RXRA: variants seen among roughly 807,000 people sequenced by gnomAD.
RXRA encodes retinoic acid receptor RXR-alpha.
A neutral mutation model predicts 44.5 loss-of-function variants in RXRA; 5 were observed. That is an observed-to-expected ratio of 0.11 (90% CI 0.06 to 0.24). The LOEUF (loss-of-function observed/expected upper bound fraction) is 0.24, where lower values mean the gene tolerates loss of function less well. RXRA is among the 10% of genes least tolerant of loss of function. The pLI, the probability that RXRA is intolerant of heterozygous loss-of-function variation, is 1.00. For missense variants in RXRA, 412 were observed against 646.5 expected (o/e 0.64, Z 3.93); for synonymous variants, 291 against 271.4 (o/e 1.07, Z -0.71).
intron 1 of RXRA, among the ~76,000 whole-genome samples, chr9:134,353,286 A>G (rs1588259538): frequency 1.3e-5 from 2 of 152,084 alleles, no homozygotes; most frequent in East Asian, 3.9e-4. Context: ...TCTCAGGGGT[A>G]TCCCTGGTGT....
rs1401434912 is a variant in RXRA, at chr9:134,365,180, C to G, written c.29-36452C>G. Among the ~76,000 whole-genome samples the G allele has an allele frequency of 3.9e-5, 6 of 152,238 alleles. No homozygotes were observed. The highest frequency in any genetic ancestry group is 1.4e-4 in the African/African-American group (6 of 41,468). On this transcript the variant is annotated intron_variant, in intron 1 of 9. Transcript: ENST00000481739. This position sits in a 1 kb window ranked among gnomAD's most constrained non-coding sequence, Gnocchi z 4.0. ...TGGAGGGCTGATGGCACGCTGGGCC[C>G]GGGAAAGCCCCTCGTGGGCCATCTC... is the stretch of plus-strand genomic sequence containing the variant.
intron 1 of RXRA, among the ~76,000 whole-genome samples, chr9:134,395,187 C>T (rs116845249): frequency 0.022 from 3,354 of 152,350 alleles, 63 homozygotes; most frequent in Admixed American, 0.046. Flanking sequence ...CCGGTCACTC[C>T]GAACTCCCAC....
At chr9:134,328,181 G>C (rs113787173) in intron 1 of RXRA, among the ~76,000 whole-genome samples, 11,717 of 152,278 alleles carry the variant, frequency 0.077, 528 homozygotes, top group Middle Eastern at 0.12. Context: ...CACACACACA[G>C]AGCTAGGCTC....
chr9:134,392,044 G>A (rs1450287481), intron 1 of RXRA, among the ~76,000 whole-genome samples: 2 of 152,266 alleles, frequency 1.3e-5, no homozygotes, highest in Non-Finnish European at 2.9e-5. Flanking sequence ...GAGTCTGTGT[G>A]TTTGCAGGGG....
intron 1 of RXRA, among the ~76,000 whole-genome samples, chr9:134,337,169 C>T (rs1554747423): frequency 2.6e-5 from 4 of 152,204 alleles, no homozygotes; most frequent in African/African-American, 9.7e-5. Flanking sequence ...GGGTGCTCAG[C>T]CCCAGTGCCT....
intron 1 of RXRA, among the ~76,000 whole-genome samples, chr9:134,358,797 T>C (rs1469714614): frequency 6.6e-6 from 1 of 152,192 alleles, no homozygotes; most frequent in Non-Finnish European, 1.5e-5. Flanking sequence ...TTGGGAACGT[T>C]GGCAGGTCTG....
At chr9:134,330,515 G>A (rs1455971088) in intron 1 of RXRA, among the ~76,000 whole-genome samples, 2 of 152,194 alleles carry the variant, frequency 1.3e-5, no homozygotes, top group African/African-American at 4.8e-5. Flanking sequence ...GTGCTATGGT[G>A]TGGGTAGAGG....
chr9:134,409,720 T>C (rs1325270165), intron 4 of RXRA, among the ~76,000 whole-genome samples: 2 of 152,164 alleles, frequency 1.3e-5, no homozygotes, highest in Admixed American at 1.3e-4. Context: ...ATCTGTCACA[T>C]CCCCTTTCCC....
intron 1 of RXRA, among the ~76,000 whole-genome samples, chr9:134,352,681 A>G (rs1554749623): frequency 6.6e-6 from 1 of 152,154 alleles, no homozygotes; most frequent in Non-Finnish European, 1.5e-5. Flanking sequence ...CCCCAAGGAA[A>G]CGAGGTCAGG....
intron 1 of RXRA, among the ~76,000 whole-genome samples, chr9:134,390,137 T>A (rs942466675): frequency 2.0e-5 from 3 of 152,160 alleles, no homozygotes; most frequent in African/African-American, 7.2e-5. Context: ...TCTCTCGGCC[T>A]CCTGGGTCGG....
intron 4 of RXRA, among the ~76,000 whole-genome samples, chr9:134,416,719 C>T (rs975701814): frequency 1.3e-5 from 2 of 151,976 alleles, no homozygotes; most frequent in Non-Finnish European, 2.9e-5. Context: ...GCCTCATGAG[C>T]GTGCTCTGCT....
intron 1 of RXRA, 131 bp from the exon 2 acceptor site, chr9:134,401,501 C>T: frequency 2.7e-6 from 4 of 1,455,164 alleles, no homozygotes; most frequent in Non-Finnish European, 3.7e-6. Context: ...GCTGTCGAGA[C>T]CCACGGGGCC....
chr9:134,430,563 C>T (rs779102088), intron 7 of RXRA, among the ~76,000 whole-genome samples: 6 of 152,202 alleles, frequency 3.9e-5, no homozygotes, highest in African/African-American at 1.2e-4. Context: ...GGTGGGCAAA[C>T]GGTAGTTCAA....
At chr9:134,339,374 G>A (rs1372808884) in intron 1 of RXRA, among the ~76,000 whole-genome samples, 3 of 151,092 alleles carry the variant, frequency 2.0e-5, no homozygotes, top group Non-Finnish European at 4.4e-5. Context: ...CAGGGTTTGT[G>A]CGCGTGAGCC....
In RXRA at chr9:134,407,888, G is replaced by T. The variant is rs1265957770; in HGVS notation, c.280-261G>T. 6.6e-6 allele frequency among the ~76,000 whole-genome samples: 1 copy of T among 152,062 alleles called. No individual in the cohort carries two copies. The highest frequency in any genetic ancestry group is 1.5e-5 in the Non-Finnish European group (1 of 67,978). ...CCGCCCATGTGTTGGGGGGGGTGTT[G>T]AAGGTCCTTTTCCACAGAGGCCTGG... On this transcript the variant is annotated intron_variant, in intron 2 of 9. Coordinates refer to ENST00000481739, the MANE Select transcript of RXRA (RefSeq NM_002957.6). This position sits in a 1 kb window ranked among gnomAD's most constrained non-coding sequence, Gnocchi z 4.8.
In RXRA at chr9:134,421,671, T is replaced by A; in HGVS notation, c.781-5T>A. 1 of 1,558,406 alleles carries A rather than the reference T, an allele frequency of 6.4e-7. No homozygotes were observed. On this transcript the variant is annotated splice_polypyrimidine_tract_variant and splice_region_variant and intron_variant, in intron 5 of 9. Transcript: ENST00000481739. ...GAATGTCCTGCTCTTCTTCCTCCACTGCAGCCGAACGACCCTGTCACCAAC... is the reference window on the plus strand; with the variant it reads ...GAATGTCCTGCTCTTCTTCCTCCACAGCAGCCGAACGACCCTGTCACCAAC...
At chr9:134,338,049 G>A (rs1472448960) in intron 1 of RXRA, among the ~76,000 whole-genome samples, 1 of 152,204 alleles carries the variant, frequency 6.6e-6, no homozygotes, top group Non-Finnish European at 1.5e-5. Flanking sequence ...CCAGGCCAGC[G>A]GGGGAGATGG....
rs754534245 is a variant in RXRA at position 134,421,902 on chromosome 9, A to G, written c.910+97A>G. On this transcript the variant is annotated intron_variant, in intron 6 of 9. Transcript: ENST00000481739. ...CCGGGATACTCCGCACTCCCGGGAC[A>G]CTCCCCTGTCCTGGGACACTCCCCC... 2.6e-6 allele frequency: 4 copies of G among 1,535,656 alleles called. No individual in the cohort carries two copies. The African/African-American group carries it at 5.6e-5, about 22-fold the overall frequency.
chr9:134,392,345 G>A (rs535648046), intron 1 of RXRA, among the ~76,000 whole-genome samples: 1 of 152,168 alleles, frequency 6.6e-6, no homozygotes, highest in Admixed American at 6.5e-5. Flanking sequence ...CCGTACAGGG[G>A]CACAGGTCAG....
Sources: gnomAD v4.1 joint callset for allele counts (sites outside exome capture counted in the v4.1 genomes callset) on GRCh38, gnomAD v4.1.1 for gene constraint, Gnocchi (gnomAD v3.1) non-coding constraint, MANE v1.5 for transcripts, NCBI Gene and HGNC (gene_info 2026-07-23, HGNC 2026-07-21) for gene names.